Variants in MAP4 observed in about 807,000 individuals in gnomAD.
The protein encoded by MAP4 is microtubule-associated protein 4.
In MAP4, 76 loss-of-function variants were observed where a neutral mutation model predicts 170.2. That is an observed-to-expected ratio of 0.45 (90% CI 0.37 to 0.54). The LOEUF (loss-of-function observed/expected upper bound fraction) is 0.54, where lower values mean the gene tolerates loss of function less well. MAP4 is among the 20% of genes least tolerant of loss of function. The pLI is 0.00. For synonymous variants in MAP4, 909 were observed against 994.5 expected (o/e 0.91, Z 1.62); for missense variants, 2,506 against 2,748.0 (o/e 0.91, Z 1.97).
chr3:47,959,073 C>T (rs1422393183), intron 3 of MAP4, among the ~76,000 whole-genome samples: 5 of 151,412 alleles, frequency 3.3e-5, no homozygotes, highest in Non-Finnish European at 4.4e-5. Flanking sequence ...CTTATGCTGA[C>T]GCATATCTGA....
At chr3:47,918,141 C>T (rs1433698320) in intron 6 of MAP4, among the ~76,000 whole-genome samples, 1 of 152,144 alleles carries the variant, frequency 6.6e-6, no homozygotes, top group African/African-American at 2.4e-5. Context: ...TGCCACCACG[C>T]CCAGCTAATT....
chr3:47,862,049 TA>T (rs1333083444), intron 17 of MAP4, among the ~76,000 whole-genome samples: 2 of 149,826 alleles, frequency 1.3e-5, no homozygotes, highest in African/African-American at 2.5e-5. Context: ...TAGTCCCAGC[TA>T]CTCAGGAGGC....
At chr3:47,893,304 G>A (rs906896567) in intron 10 of MAP4, among the ~76,000 whole-genome samples, 4 of 152,040 alleles carry the variant, frequency 2.6e-5, no homozygotes, top group South Asian at 2.1e-4. Flanking sequence ...ATGCATTTAC[G>A]CCTGTCCCTG....
chr3:47,893,027 A>T (rs1376795738), intron 10 of MAP4, among the ~76,000 whole-genome samples: 1 of 62,382 alleles, frequency 1.6e-5, no homozygotes, highest in African/African-American at 6.9e-5. Context: ...AAATTGGACT[A>T]AAAAAAAAAA....
intron 3 of MAP4, among the ~76,000 whole-genome samples, chr3:47,967,657 T>C (rs2100075906): frequency 6.6e-6 from 1 of 151,334 alleles, no homozygotes; most frequent in Non-Finnish European, 1.5e-5. Flanking sequence ...TTCTCAAAAA[T>C]AATAAAATAA....
At chr3:47,928,144 C>G (rs2100047113) in intron 4 of MAP4, 84 bp downstream of exon 4, 1 of 1,534,314 alleles carries the variant, frequency 6.5e-7, no homozygotes, top group African/African-American at 1.4e-5. Flanking sequence ...TAAGCTAAAG[C>G]ATTTTCATCT....
chr3:47,890,088 A>AT (rs763319427), intron 10 of MAP4, among the ~76,000 whole-genome samples: 6 of 151,544 alleles, frequency 4.0e-5, no homozygotes, highest in Non-Finnish European at 5.9e-5. Context: ...AAACAAGACT[A>AT]TTTTTTTTTA....
intron 2 of MAP4, among the ~76,000 whole-genome samples, chr3:47,987,049 AG>A (rs2100089160): frequency 6.6e-6 from 1 of 152,220 alleles, no homozygotes; most frequent in South Asian, 2.1e-4. Context: ...AGATCTGGCC[AG>A]GTTTCTCAGT....
rs554941655 is a variant in MAP4 at position 47,983,776 on chromosome 3, C to T, written c.224-5843G>A. Among the ~76,000 whole-genome samples the T allele has an allele frequency of 2.6e-5, 4 of 152,242 alleles. No individual in the cohort carries two copies. In the South Asian group the frequency reaches 8.3e-4, roughly 32 times the overall value. On this transcript the variant is annotated intron_variant, in intron 2 of 20. Transcript: ENST00000683076. Reference sequence around the variant, plus strand: ...TCAAGTGGTACTCCTGCCTCAGTCTCCCAAGTAGCTGGGACTACAGGCGTG... The same window carrying T: ...TCAAGTGGTACTCCTGCCTCAGTCTTCCAAGTAGCTGGGACTACAGGCGTG...
intron 1 of MAP4, 130 bp from the exon 2 acceptor site, chr3:47,999,009 C>T: frequency 4.7e-6 from 3 of 633,212 alleles, no homozygotes; most frequent in Non-Finnish European, 8.3e-6. Context: ...AGAAGAGGCT[C>T]CCTCATTTGA....
At chr3:47,976,902 T>C (rs904501636) in intron 3 of MAP4, among the ~76,000 whole-genome samples, 5 of 152,228 alleles carry the variant, frequency 3.3e-5, no homozygotes, top group African/African-American at 9.6e-5. Flanking sequence ...ATAGCTGCTA[T>C]TGCTAACAGA....
In MAP4 at chr3:47,912,278, T is replaced by C; in HGVS notation, c.2143A>G (p.Arg715Gly). 4.6e-6 allele frequency: 7 copies of C among 1,536,096 alleles called. No homozygotes were observed. Among genetic ancestry groups the C allele is most frequent in the Non-Finnish European group, 6.1e-6 (7 of 1,146,902 alleles). The change falls in exon 9 of 21, where the codon AGG (arginine) becomes GGG (glycine). Residue 715 changes from arginine (R) to glycine (G), a missense_variant. By Grantham distance (125) the Arg-to-Gly change is moderately radical. Transcript: ENST00000683076. Reference sequence around the variant, plus strand: ...TCAGACAAAGAGCAGTGGCCCAGCCTGTGATCAAGAGTCTTCCATGGAGGA... The same window carrying C: ...TCAGACAAAGAGCAGTGGCCCAGCCCGTGATCAAGAGTCTTCCATGGAGGA... ...GSPPWKTLDHRLGHCSLSESG... is the reference protein window; with the variant it reads ...GSPPWKTLDHGLGHCSLSESG...
intron 3 of MAP4, among the ~76,000 whole-genome samples, chr3:47,948,542 C>A (rs1559560404): frequency 1.3e-5 from 2 of 151,804 alleles, no homozygotes. Context: ...GTGACCTATT[C>A]TATAGAAAGG....
Position 47,870,922 on chromosome 3 carries a change from G to C in MAP4, c.6185C>G (p.Thr2062Ser). 2 of 1,614,116 alleles carry C rather than the reference G, an allele frequency of 1.2e-6. No homozygotes were observed. The highest frequency in any genetic ancestry group is 8.5e-7 in the Non-Finnish European group (1 of 1,179,986). Residue 2062 changes from threonine (T) to serine (S), a missense_variant, in exon 15 of 21, where the codon ACC becomes AGC. By Grantham distance (58) the Thr-to-Ser change is moderately conservative (BLOSUM62 1). Transcript: ENST00000683076. ...GGTGGCCAGGCGGCTGAGCCGGGGGGTGGTGGAGCTGGGTTTGGCCGAGGT... is the reference window on the plus strand; with the variant it reads ...GGTGGCCAGGCGGCTGAGCCGGGGGCTGGTGGAGCTGGGTTTGGCCGAGGT... ...KPTSAKPSST[T>S]PRLSRLATNT...
chr3:47,961,563 A>G (rs189076489), intron 3 of MAP4, among the ~76,000 whole-genome samples: 11 of 152,308 alleles, frequency 7.2e-5, no homozygotes, highest in Non-Finnish European at 7.4e-5. Context: ...TATGCAAGTA[A>G]TCAATATATT....
chr3:47,998,682 G>A lies in MAP4; in HGVS notation c.179C>T (p.Ser60Leu), dbSNP rs1476588141. Reference protein sequence around the residue: ...LLDVDEKTGNSESKKKPCSET... With the variant: ...LLDVDEKTGNLESKKKPCSET... ...TGAGCACGGTTTCTTCTTTGACTCT[G>A]AGTTCCCGGTTTTCTCATCAACATC... The change falls in exon 2 of 21, where the codon TCA becomes TTA. Residue 60 changes from serine (S) to leucine (L), a missense_variant. Ser to Leu is a moderately radical substitution (Grantham distance 145). Around this residue, in one of 3 missense-constraint regions of MAP4, gnomAD observed 2,008 missense variants for 2,206.0 expected, o/e 0.91. Transcript: ENST00000683076. 1.2e-6 allele frequency: 2 copies of A among 1,614,022 alleles called. No individual in the cohort carries two copies. Among genetic ancestry groups the A allele is most frequent in the African/African-American group, 2.7e-5 (2 of 74,914 alleles).
intron 1 of MAP4, among the ~76,000 whole-genome samples, chr3:48,040,388 C>T (rs2154530607): frequency 6.6e-6 from 1 of 152,198 alleles, no homozygotes; most frequent in East Asian, 1.9e-4. Flanking sequence ...CCTGCCTCAG[C>T]CTCCCGAGTA....
At chr3:48,087,702 C>G (rs1295918130) in intron 1 of MAP4, among the ~76,000 whole-genome samples, 1 of 151,182 alleles carries the variant, frequency 6.6e-6, no homozygotes, top group Non-Finnish European at 1.5e-5. Context: ...GACGCGCGCG[C>G]GCGCACACAC....
rs564848342 is a variant in MAP4, at chr3:48,068,319, T to C, written c.-20+20454A>G. Among the ~76,000 whole-genome samples the C allele has an allele frequency of 7.3e-5, 11 of 149,660 alleles. 1 individual carries two copies. In the South Asian group the frequency reaches 2.3e-3, roughly 32 times the overall value. ...AGTAATAAACATCCAGCTCTACTAATTAAAAACTAATGAAAATTAACTGAA... is the reference window on the plus strand; with the variant it reads ...AGTAATAAACATCCAGCTCTACTAACTAAAAACTAATGAAAATTAACTGAA... On this transcript the variant is annotated intron_variant, in intron 1 of 18. Coordinates refer to the MAP4 transcript ENST00000360240.
Sources: gnomAD v4.1 joint callset for allele counts (sites outside exome capture counted in the v4.1 genomes callset) on GRCh38, gnomAD v4.1.1 for gene constraint, gnomAD v4.1.1 regional missense constraint, MANE v1.5 for transcripts, NCBI Gene and HGNC (gene_info 2026-07-23, HGNC 2026-07-21) for gene names.